The following PARP1 variants were observed in gnomAD, a reference collection of about 807,000 sequenced individuals.
The protein encoded by PARP1 is poly(ADP-ribose) polymerase 1.
Under a neutral mutation model 118.7 loss-of-function variants are expected in PARP1, and 44 were observed. The observed-to-expected ratio is 0.37, with a 90% CI of 0.29 to 0.48. PARP1 has a LOEUF of 0.48. PARP1 is among the 20% of genes least tolerant of loss of function. The pLI, the probability that PARP1 is intolerant of heterozygous loss-of-function variation, is 0.99. For missense variants in PARP1, 1,100 were observed against 1,272.4 expected (o/e 0.86, Z 2.06); for synonymous variants, 492 against 483.2 (o/e 1.02, Z -0.24).
intron 1 of PARP1, among the ~76,000 whole-genome samples, chr1:226,404,611 T>G (rs886083520): frequency 1.3e-5 from 2 of 152,198 alleles, no homozygotes; most frequent in African/African-American, 4.8e-5. Flanking sequence ...AGCACAAGCT[T>G]AGAGGACAAG....
Position 226,388,878 on chromosome 1 carries a change from G to C in PARP1, c.618-123C>G, listed in dbSNP as rs913608056. On this transcript the variant is annotated intron_variant, in intron 4 of 22. Transcript: ENST00000366794. ...CTCCCTGTAGGGCCTACTCACACTT[G>C]TCACTCCCTAACCCCTGCCCCACTC... 3.0e-5 allele frequency: 24 copies of C among 796,732 alleles called. No homozygotes were observed. The African/African-American group carries it at 4.0e-4, about 13-fold the overall frequency. The allele number at this position is 796,732 out of a possible 1,614,324, so 49.4% of individuals were successfully genotyped here.
chr1:226,388,916 C>T (rs1187852400), intron 4 of PARP1, among the ~76,000 whole-genome samples, 161 bp from the exon 5 acceptor site: 1 of 152,126 alleles, frequency 6.6e-6, no homozygotes, highest in African/African-American at 2.4e-5. Context: ...TGCCCTTAGG[C>T]GATCACTGTC....
chr1:226,372,393 T>C (rs1392252173), intron 14 of PARP1, among the ~76,000 whole-genome samples: 1 of 152,206 alleles, frequency 6.6e-6, no homozygotes, highest in Non-Finnish European at 1.5e-5. Context: ...CATTTCAGGC[T>C]GGGGGCCATG....
Position 226,368,385 on chromosome 1 carries a change from T to C in PARP1, c.2155-64A>G, listed in dbSNP as rs1034982179. 36 of 1,610,902 alleles carry C rather than the reference T, an allele frequency of 2.2e-5. No individual in the cohort carries two copies. The South Asian group carries it at 3.4e-4, about 15-fold the overall frequency. On this transcript the variant is annotated intron_variant, in intron 15 of 22. Coordinates refer to ENST00000366794, the MANE Select transcript of PARP1 (RefSeq NM_001618.4). ...AGCAGCTCCAAGCCCCCGGCCAGGCTTTCTCTTTTAGCAGGTGGGTGCTGC... is the reference window on the plus strand; with the variant it reads ...AGCAGCTCCAAGCCCCCGGCCAGGCCTTCTCTTTTAGCAGGTGGGTGCTGC...
chr1:226,365,913 G>A lies in PARP1; in HGVS notation c.2505+41C>T, dbSNP rs1474258029. 4.5e-6 allele frequency: 6 copies of A among 1,336,474 alleles called. No individual in the cohort carries two copies. In the Middle Eastern group the frequency reaches 5.4e-4, roughly 121 times the overall value. The allele number at this position is 1,336,474 out of a possible 1,614,324, so 82.8% of individuals were successfully genotyped here. ...TTGGAGGAGTGGGCAGGGAAGAGCT[G>A]GCAGGACACAGAAGGAAGTGGGGGA... is the stretch of plus-strand genomic sequence containing the variant. On this transcript the variant is annotated intron_variant, in intron 18 of 22. Transcript: ENST00000366794.
chr1:226,385,087 G>C (rs563684679), intron 7 of PARP1, among the ~76,000 whole-genome samples: 1 of 152,252 alleles, frequency 6.6e-6, no homozygotes, highest in African/African-American at 2.4e-5. Flanking sequence ...GCGATACTAG[G>C]AGATACGTGA....
chr1:226,407,944 C>T lies in PARP1; in HGVS notation c.-15G>A. The T allele has an allele frequency of 6.2e-7, 1 of 1,612,268 alleles. No individual in the cohort carries two copies. Among genetic ancestry groups the T allele is most frequent in the Non-Finnish European group, 8.5e-7 (1 of 1,179,028 alleles). On this transcript the variant is annotated 5_prime_UTR_variant, in exon 1 of 23. Transcript: ENST00000366794. ...GACTCCGCCATCCTCCCCTAGCTGCCGCCAAAGCTCCGGAAGCCCGACGCC... is the reference window on the plus strand; with the variant it reads ...GACTCCGCCATCCTCCCCTAGCTGCTGCCAAAGCTCCGGAAGCCCGACGCC...
intron 4 of PARP1, among the ~76,000 whole-genome samples, chr1:226,389,113 G>C (rs1160952830): frequency 6.6e-6 from 1 of 152,140 alleles, no homozygotes; most frequent in Non-Finnish European, 1.5e-5. Flanking sequence ...TGGCCTGGAA[G>C]GTTCTAGCCG....
chr1:226,396,795 T>C (rs1664932689), intron 2 of PARP1, among the ~76,000 whole-genome samples: 1 of 152,082 alleles, frequency 6.6e-6, no homozygotes, highest in African/African-American at 2.4e-5. Flanking sequence ...CAGCCAGGTG[T>C]GGTGGCACAC....
intron 2 of PARP1, chr1:226,401,917 C>A: frequency 7.3e-7 from 1 of 1,368,004 alleles, no homozygotes; most frequent in Admixed American, 2.9e-5. Context: ...GGAGGGGGTA[C>A]TGGAAACTCT....
chr1:226,383,112 G>C lies in PARP1; in HGVS notation c.1083C>G (p.Thr361=), dbSNP rs201783835. The change falls in exon 8 of 23, where the codon ACC becomes ACG. Residue 361 remains threonine (T), a synonymous_variant. Transcript: ENST00000366794. The part of the protein sequence containing the change: ...KKQDRIFPPE[T]SASVAATPPP... ...GAGGCGTGGCCGCCACGGAGGCGCT[G>C]GTTTCTGGGGGGAATATACGGTCCT... 1.2e-6 allele frequency: 2 copies of C among 1,613,158 alleles called. No individual in the cohort carries two copies. The highest frequency in any genetic ancestry group is 1.7e-6 in the Non-Finnish European group (2 of 1,179,778).
intron 2 of PARP1, chr1:226,401,924 CTCTT>C: frequency 7.1e-7 from 1 of 1,401,060 alleles, no homozygotes; most frequent in Non-Finnish European, 9.3e-7. Context: ...GTACTGGAAA[CTCTT>C]TGTTCTTTGC....
intron 5 of PARP1, among the ~76,000 whole-genome samples, chr1:226,386,706 C>T (rs1312926881): frequency 6.6e-6 from 1 of 152,168 alleles, no homozygotes. Flanking sequence ...TGCACCAAGG[C>T]TCCTGGAACC....
At chr1:226,380,305 C>A in intron 9 of PARP1, 141 bp from the exon 10 acceptor site, 1 of 861,518 alleles carries the variant, frequency 1.2e-6, no homozygotes, top group Non-Finnish European at 1.9e-6. Flanking sequence ...CTAATGCTCC[C>A]AAGAGTGTTT....
chr1:226,390,283 G>T, intron 4 of PARP1, 127 bp downstream of exon 4: 1 of 842,390 alleles, frequency 1.2e-6, no homozygotes, highest in East Asian at 2.5e-5. Flanking sequence ...TCCTCAGTTT[G>T]CATCTCCCTG....
At position 226,374,920 on chromosome 1, in the gene PARP1, A is replaced by T. The variant is rs3219104; in HGVS notation, c.1942-566T>A. Among the ~76,000 whole-genome samples the T allele has an allele frequency of 4.3e-3, 656 of 152,210 alleles. 2 individuals are homozygous for T. Among genetic ancestry groups the T allele is most frequent in the Non-Finnish European group, 6.6e-3 (452 of 68,014 alleles). On this transcript the variant is annotated intron_variant, in intron 13 of 22. Transcript: ENST00000366794. ...GCATTAGCTGTCCGTCCTCTTCCTA[A>T]GCTGCCTAATAGACTATTGAGACTC... is the stretch of plus-strand genomic sequence containing the variant.
intron 13 of PARP1, among the ~76,000 whole-genome samples, chr1:226,374,661 C>A (rs148653874): frequency 6.6e-6 from 1 of 152,204 alleles, no homozygotes; most frequent in Non-Finnish European, 1.5e-5. Context: ...TGCCTGGGAA[C>A]CTGTCTAGTG....
intron 6 of PARP1, 109 bp from the exon 7 acceptor site, chr1:226,385,789 G>GCCTCTCTTCTTTGT: frequency 3.9e-6 from 4 of 1,018,088 alleles, no homozygotes; most frequent in Non-Finnish European, 6.1e-6. Context: ...CTACAAAGAA[G>GCCTCTCTTCTTTGT]AGAGGCTTCT....
At chr1:226,400,204 CAGG>C (rs1665005168) in intron 2 of PARP1, among the ~76,000 whole-genome samples, 1 of 152,094 alleles carries the variant, frequency 6.6e-6, no homozygotes, top group Non-Finnish European at 1.5e-5. Context: ...GAGGCTGAGG[CAGG>C]AGAATCGCCT....
Sources: allele counts gnomAD v4.1 joint callset (sites outside exome capture counted in the v4.1 genomes callset), GRCh38; gene constraint gnomAD v4.1.1; transcripts MANE v1.5; gene names NCBI Gene and HGNC (gene_info 2026-07-23, HGNC 2026-07-21).